CASR: variants seen among roughly 807,000 people sequenced by gnomAD.
CASR encodes calcium sensing receptor.
A neutral mutation model predicts 69.1 loss-of-function variants in CASR; 23 were observed. The observed-to-expected ratio is 0.33, with a 90% CI of 0.24 to 0.47. The LOEUF (loss-of-function observed/expected upper bound fraction) is 0.47, where lower values mean the gene tolerates loss of function less well. Ranked by LOEUF, CASR falls within the 20% of genes least tolerant of loss-of-function variation. The pLI is 1.00. For missense variants in CASR, 924 were observed against 1,356.1 expected, an observed-to-expected ratio of 0.68 and a Z score of 5.00; for synonymous variants, 541 against 544.7, an observed-to-expected ratio of 0.99 and a Z score of 0.10.
rs1373559102 is a variant in CASR at position 122,289,959 on chromosome 3, T to C, written c.*4768T>C. On this transcript the variant is annotated 3_prime_UTR_variant, in exon 7 of 7. Coordinates refer to ENST00000639785, the MANE Select transcript of CASR (RefSeq NM_000388.4). ...AGCTGGACATGGTGGCATGCGCCTG[T>C]AGTGGCAGATAACTCAGGAGGCTGA... 2 of 150,146 alleles carry C rather than the reference T, an allele frequency of 1.3e-5. No homozygotes were observed. Among genetic ancestry groups the C allele is most frequent in the African/African-American group, 4.9e-5 (2 of 40,724 alleles). 9.3% of individuals were successfully genotyped at this position (150,146 alleles called of 1,614,324 possible).
Position 122,201,154 on chromosome 3 carries a change from G to A in CASR, c.-243+17342G>A, listed in dbSNP as rs141090759. ...CAGGCAGAGGACCCTGCGGCCTTCC[G>A]CAGTGTTTGTGTCCCTGGGTACTTG... is the stretch of plus-strand genomic sequence containing the variant. On this transcript the variant is annotated intron_variant, in intron 1 of 6. Transcript: ENST00000639785. Among the ~76,000 whole-genome samples, 391 of 152,192 alleles carry A rather than the reference G, an allele frequency of 2.6e-3. 5 individuals carry two copies. The highest frequency in any genetic ancestry group is 2.3e-3 in the East Asian group (12 of 5,180).
At chr3:122,202,337 A>C (rs1386786311) in intron 1 of CASR, among the ~76,000 whole-genome samples, 1 of 152,136 alleles carries the variant, frequency 6.6e-6, no homozygotes, top group Non-Finnish European at 1.5e-5. Context: ...AGAATCAGGC[A>C]GGGAGGTTGC....
rs978440623 is a variant in CASR, at chr3:122,291,157, C to G, written c.*5966C>G. On this transcript the variant is annotated 3_prime_UTR_variant, in exon 7 of 7. Transcript: ENST00000639785. Reference sequence around the variant, plus strand: ...TTGGACATTTGGGTTGGTTCCAAGTCTTTGCTATTGTGAATAGTGCCACAA... The same window carrying G: ...TTGGACATTTGGGTTGGTTCCAAGTGTTTGCTATTGTGAATAGTGCCACAA... 1.6e-4 allele frequency: 23 copies of G among 145,736 alleles called. No homozygotes were observed. Among genetic ancestry groups the G allele is most frequent in the African/African-American group, 5.8e-4 (23 of 39,364 alleles). 9.0% of individuals were successfully genotyped at this position (145,736 alleles called of 1,614,324 possible).
At chr3:122,204,415 C>A (rs1245301312) in intron 1 of CASR, among the ~76,000 whole-genome samples, 5 of 152,100 alleles carry the variant, frequency 3.3e-5, no homozygotes, top group Non-Finnish European at 7.4e-5. Flanking sequence ...GGACTTCATT[C>A]TTTTTTATGG....
rs3749207 is a variant in CASR at position 122,261,395 on chromosome 3, T to C, written c.493-133T>C. Reference sequence around the variant, plus strand: ...TCCTTACCCTTTCTTTCATCCTGTATACAGTGAACAGCATAGTTGATAAAT... The same window carrying C: ...TCCTTACCCTTTCTTTCATCCTGTACACAGTGAACAGCATAGTTGATAAAT... On this transcript the variant is annotated intron_variant, in intron 3 of 6. Transcript: ENST00000639785. 525,903 of 814,398 alleles carry C rather than the reference T, an allele frequency of 0.65. 175,749 individuals carry two copies. Among genetic ancestry groups the C allele is most frequent in the Middle Eastern group, 0.78 (2,269 of 2,902 alleles). The allele number at this position is 814,398 out of a possible 1,614,324, so 50.4% of individuals were successfully genotyped here.
intron 3 of CASR, among the ~76,000 whole-genome samples, chr3:122,259,008 C>A (rs1330838344): frequency 6.6e-6 from 1 of 151,962 alleles, no homozygotes; most frequent in African/African-American, 2.4e-5. Context: ...ACAAGCAGAC[C>A]AGCTAGACAA....
intron 1 of CASR, among the ~76,000 whole-genome samples, chr3:122,234,351 AT>A (rs1189343140): frequency 6.6e-6 from 1 of 152,210 alleles, no homozygotes; most frequent in African/African-American, 2.4e-5. Context: ...AGCACACCAG[AT>A]TTGGCCCATG....
chr3:122,214,426 T>C (rs1016965513), intron 1 of CASR, among the ~76,000 whole-genome samples: 1 of 152,154 alleles, frequency 6.6e-6, no homozygotes, highest in Non-Finnish European at 1.5e-5. Flanking sequence ...GAACTAACTC[T>C]ATGCAGACTA....
In CASR at chr3:122,275,998, T is replaced by C. The variant is rs746054548; in HGVS notation, c.1564T>C (p.Phe522Leu). The C allele has an allele frequency of 6.2e-7, 1 of 1,613,918 alleles. No individual in the cohort carries two copies. Among genetic ancestry groups the C allele is most frequent in the South Asian group, 1.1e-5 (1 of 91,072 alleles). Residue 522 changes from phenylalanine to leucine, a missense_variant, in exon 5 of 7, where the codon TTC becomes CTC. Phe to Leu is a conservative substitution (Grantham distance 22). Around this residue, in one of 8 missense-constraint regions of CASR, gnomAD observed 310 missense variants for 395.7 expected, o/e 0.78. Transcript: ENST00000639785. ...NVYAKKGERL[F>L]INEEKILWSG... ...CTATGCCAAGAAGGGAGAAAGACTC[T>C]TCATCAACGAGGAGAAAATCCTGTG...
At chr3:122,272,091 GCACACACACACA>G (rs35249463) in intron 4 of CASR, among the ~76,000 whole-genome samples, 11 of 148,900 alleles carry the variant, frequency 7.4e-5, no homozygotes, top group South Asian at 2.1e-4. Context: ...TCCTAGGAAT[GCACACACACACA>G]CACACACACA....
chr3:122,214,718 T>G (rs1206456096), intron 1 of CASR, among the ~76,000 whole-genome samples: 1 of 152,118 alleles, frequency 6.6e-6, no homozygotes, highest in Non-Finnish European at 1.5e-5. Context: ...CCAAATAAAA[T>G]CTCTCCTGGC....
chr3:122,285,198 A>T lies in CASR; in HGVS notation c.*7A>T. 1 of 1,613,344 alleles carries T rather than the reference A, an allele frequency of 6.2e-7. No homozygotes were observed. Among genetic ancestry groups the T allele is most frequent in the Non-Finnish European group, 8.5e-7 (1 of 1,179,506 alleles). ...AAACGTAGTGAATTCATAAAATGGA[A>T]GGAGAAGACTGGGCTAGGGAGAATG... is the stretch of plus-strand genomic sequence containing the variant. On this transcript the variant is annotated 3_prime_UTR_variant, in exon 7 of 7. Coordinates refer to ENST00000639785, the MANE Select transcript of CASR (RefSeq NM_000388.4).
chr3:122,203,959 T>G (rs1208431023), intron 1 of CASR, among the ~76,000 whole-genome samples: 1 of 152,040 alleles, frequency 6.6e-6, no homozygotes, highest in Non-Finnish European at 1.5e-5. Flanking sequence ...GTTTTTTCAT[T>G]TTTTTTAATT....
chr3:122,239,788 A>C (rs956767999), intron 1 of CASR, among the ~76,000 whole-genome samples: 1 of 152,204 alleles, frequency 6.6e-6, no homozygotes, highest in African/African-American at 2.4e-5. Flanking sequence ...TACTATAGAG[A>C]ATTCTTCTGG....
intron 1 of CASR, 58 bp from the exon 2 acceptor site, chr3:122,253,890 T>A (rs1268130788): frequency 4.9e-6 from 2 of 405,244 alleles, no homozygotes; most frequent in Non-Finnish European, 9.2e-6. Context: ...GTTGCAGTGG[T>A]CATCACAAGA....
chr3:122,265,437 T>A (rs1028806782), intron 4 of CASR, among the ~76,000 whole-genome samples: 4 of 152,118 alleles, frequency 2.6e-5, no homozygotes, highest in Non-Finnish European at 4.4e-5. Context: ...CCTTCCCAGC[T>A]CTCTCTTCAC....
At chr3:122,277,694 C>T (rs2074839040) in intron 5 of CASR, among the ~76,000 whole-genome samples, 1 of 152,182 alleles carries the variant, frequency 6.6e-6, no homozygotes, top group African/African-American at 2.4e-5. Context: ...AGCTATACTG[C>T]CACCTGTTTA....
At chr3:122,222,824 A>C (rs979313708) in intron 1 of CASR, among the ~76,000 whole-genome samples, 2 of 118,540 alleles carry the variant, frequency 1.7e-5, no homozygotes, top group Admixed American at 2.1e-4. Context: ...CCCATAAAGC[A>C]AGTCTCAACA....
At chr3:122,248,853 G>A (rs189989757) in intron 1 of CASR, among the ~76,000 whole-genome samples, 64 of 152,280 alleles carry the variant, frequency 4.2e-4, no homozygotes, top group Admixed American at 9.2e-4. Flanking sequence ...CACTCCTGAC[G>A]TTGTTTTGCT....
Sources: allele counts gnomAD v4.1 joint callset (sites outside exome capture counted in the v4.1 genomes callset), GRCh38; gene constraint gnomAD v4.1.1; regional missense constraint gnomAD v4.1.1; transcripts MANE v1.5; gene names NCBI Gene and HGNC (gene_info 2026-07-23, HGNC 2026-07-21).